The following TTC12 variants were observed in gnomAD, a reference collection of about 807,000 sequenced individuals.
TTC12 encodes tetratricopeptide repeat protein 12.
Under a neutral mutation model 90.1 loss-of-function variants are expected in TTC12, and 70 were observed. The ratio of observed to expected loss-of-function variants is 0.78; its 90% CI spans 0.64 to 0.95. The LOEUF is 0.95. Ranked by LOEUF, TTC12 falls within the 40% of genes least tolerant of loss-of-function variation. The probability of loss-of-function intolerance (pLI) is 0.00; values close to 1 mark genes in which losing one functional copy is unlikely to be tolerated. For missense variants in TTC12, 819 were observed against 846.1 expected (o/e 0.97, Z 0.40); for synonymous variants, 296 against 311.5 (o/e 0.95, Z 0.53).
chr11:113,317,194 A>T (rs1307341495), intron 2 of TTC12, among the ~76,000 whole-genome samples: 3 of 152,146 alleles, frequency 2.0e-5, no homozygotes, highest in African/African-American at 7.2e-5. Flanking sequence ...ATCTACATGG[A>T]CACTTAGCCT....
At position 113,366,208 on chromosome 11, in the gene TTC12, T is replaced by C. The variant is rs779732679; in HGVS notation, c.2043-17T>C. On this transcript the variant is annotated splice_polypyrimidine_tract_variant and intron_variant, in intron 21 of 21. Coordinates refer to ENST00000529221, the MANE Select transcript of TTC12 (RefSeq NM_017868.4). ...CGTGGCACTTATGCCCTGGGTTGTTTGTTTTGATTGTGACAGATTTGCTGC... is the reference window on the plus strand; with the variant it reads ...CGTGGCACTTATGCCCTGGGTTGTTCGTTTTGATTGTGACAGATTTGCTGC... 5.0e-6 allele frequency: 8 copies of C among 1,611,964 alleles called. No homozygotes were observed. Among genetic ancestry groups the C allele is most frequent in the Non-Finnish European group, 5.9e-6 (7 of 1,179,978 alleles).
chr11:113,345,088 A>G (rs1380023809), intron 13 of TTC12, among the ~76,000 whole-genome samples: 2 of 152,068 alleles, frequency 1.3e-5, no homozygotes, highest in Non-Finnish European at 2.9e-5. Context: ...TATCTTACTA[A>G]GTTTTCAGTT....
chr11:113,362,866 A>G (rs1407480107), intron 19 of TTC12, among the ~76,000 whole-genome samples: 1 of 152,208 alleles, frequency 6.6e-6, no homozygotes, highest in Non-Finnish European at 1.5e-5. Context: ...ATGATGCTTT[A>G]TACAGTTATC....
In TTC12 at chr11:113,350,060, T is replaced by C. The variant is rs1400112161; in HGVS notation, c.1155-13T>C. ...AGGACAGCTACCTCTGAGGTTATTA[T>C]GGTTTTTTGCAGATTATTGGAAGCG... On this transcript the variant is annotated splice_polypyrimidine_tract_variant and intron_variant, in intron 13 of 21. Transcript: ENST00000529221. 5.0e-6 allele frequency: 8 copies of C among 1,610,436 alleles called. No homozygotes were observed. In the Admixed American group the frequency reaches 8.3e-5, roughly 17 times the overall value.
At chr11:113,353,420 C>G (rs1296562681) in intron 16 of TTC12, among the ~76,000 whole-genome samples, 2 of 152,138 alleles carry the variant, frequency 1.3e-5, no homozygotes, top group African/African-American at 2.4e-5. Context: ...TATAGGTTGT[C>G]TGTTCACTCT....
intron 4 of TTC12, 130 bp downstream of exon 4, chr11:113,324,145 C>A: frequency 2.9e-6 from 2 of 698,354 alleles, no homozygotes; most frequent in South Asian, 1.8e-5. Context: ...ACCTACTGAT[C>A]ATCCCATTCT....
At chr11:113,353,754 T>C (rs137941989) in intron 16 of TTC12, among the ~76,000 whole-genome samples, 43 of 152,336 alleles carry the variant, frequency 2.8e-4, no homozygotes, top group Middle Eastern at 6.8e-3. Context: ...ATCAGGTTTA[T>C]TGAAGATCAG....
At chr11:113,347,624 C>T (rs1211218332) in intron 13 of TTC12, among the ~76,000 whole-genome samples, 1 of 152,168 alleles carries the variant, frequency 6.6e-6, no homozygotes, top group African/African-American at 2.4e-5. Context: ...TACACTGAGG[C>T]CCAGGCCCAG....
intron 8 of TTC12, among the ~76,000 whole-genome samples, chr11:113,336,670 A>G (rs1467627386): frequency 6.6e-6 from 1 of 152,102 alleles, no homozygotes; most frequent in Non-Finnish European, 1.5e-5. Context: ...CCATAAATAT[A>G]TGGGTTTATT....
intron 19 of TTC12, 36 bp from the exon 20 acceptor site, chr11:113,363,792 C>G (rs1950065014): frequency 6.9e-7 from 1 of 1,459,126 alleles, no homozygotes; most frequent in South Asian, 1.2e-5. Context: ...AATCATAGCA[C>G]TGATTTTATT....
chr11:113,336,266 T>A (rs1422272572), intron 8 of TTC12, among the ~76,000 whole-genome samples: 1 of 152,200 alleles, frequency 6.6e-6, no homozygotes, highest in Non-Finnish European at 1.5e-5. Flanking sequence ...GTTATTTATA[T>A]ATTCTGAATA....
At chr11:113,369,974 T>G (rs1303921402), downstream of TTC12, among the ~76,000 whole-genome samples, 1 of 152,214 alleles carries the variant, frequency 6.6e-6, no homozygotes, top group African/African-American at 2.4e-5. Flanking sequence ...CTCCTGTGAC[T>G]GGTGGCAAAC....
chr11:113,325,430 C>A, intron 5 of TTC12, 94 bp from the exon 6 acceptor site: 2 of 1,463,090 alleles, frequency 1.4e-6, no homozygotes, highest in Non-Finnish European at 1.9e-6. Context: ...GAAGTGAAGA[C>A]CTTCGAAATA....
At chr11:113,372,593 G>A (rs1047763316) in intron 21 of TTC12, among the ~76,000 whole-genome samples, 1 of 152,166 alleles carries the variant, frequency 6.6e-6, no homozygotes, top group African/African-American at 2.4e-5. Context: ...GATGCATTCC[G>A]TATACTGCAT....
chr11:113,344,503 A>T, intron 13 of TTC12, 63 bp downstream of exon 13: 1 of 1,507,018 alleles, frequency 6.6e-7, no homozygotes, highest in Non-Finnish European at 9.1e-7. Flanking sequence ...AAGTTCAGGC[A>T]TGCCTGTCTC....
At chr11:113,317,265 T>G (rs1269496729) in intron 2 of TTC12, among the ~76,000 whole-genome samples, 1 of 151,956 alleles carries the variant, frequency 6.6e-6, no homozygotes, top group East Asian at 1.9e-4. Context: ...CAAATAAACT[T>G]AAATGTGTCC....
At chr11:113,355,048 G>T (rs1949543591) in intron 16 of TTC12, among the ~76,000 whole-genome samples, 1 of 152,158 alleles carries the variant, frequency 6.6e-6, no homozygotes, top group African/African-American at 2.4e-5. Flanking sequence ...CTTCTTCTTT[G>T]TACATCTGGT....
chr11:113,342,057 C>A, intron 12 of TTC12, 132 bp downstream of exon 12: 2 of 744,604 alleles, frequency 2.7e-6, no homozygotes, highest in South Asian at 1.6e-5. Flanking sequence ...CACCCACTCC[C>A]TCCAGGAAAG....
intron 2 of TTC12, among the ~76,000 whole-genome samples, chr11:113,318,609 T>TG (rs34348455): frequency 0.26 from 38,949 of 152,044 alleles, 5,501 homozygotes; most frequent in East Asian, 0.34. Context: ...TGTGAATTTT[T>TG]GGGGGGGATG....
Sources: allele counts gnomAD v4.1 joint callset (sites outside exome capture counted in the v4.1 genomes callset), GRCh38; gene constraint gnomAD v4.1.1; transcripts MANE v1.5; gene names NCBI Gene and HGNC (gene_info 2026-07-23, HGNC 2026-07-21).